PARVA: variants seen among roughly 807,000 people sequenced by gnomAD.
The protein encoded by PARVA is parvin alpha, also known as alpha-parvin.
In PARVA, 25 loss-of-function variants were observed where a neutral mutation model predicts 52.6. The ratio of observed to expected loss-of-function variants is 0.48; its 90% CI spans 0.35 to 0.66. The LOEUF (loss-of-function observed/expected upper bound fraction) is 0.66. Among genes scored for constraint, PARVA ranks in the 30% least tolerant of loss-of-function variants. The probability of loss-of-function intolerance (pLI) is 0.01; values close to 1 mark genes in which losing one functional copy is unlikely to be tolerated. For synonymous variants in PARVA, 185 were observed against 179.1 expected (o/e 1.03, Z -0.26); for missense variants, 373 against 450.9 (o/e 0.83, Z 1.56).
chr11:12,464,233 T>G (rs1446233384), intron 1 of PARVA, among the ~76,000 whole-genome samples: 1 of 152,106 alleles, frequency 6.6e-6, no homozygotes, highest in East Asian at 1.9e-4. Context: ...CTTAGAGAGA[T>G]ATACACATAT....
At position 12,517,679 on chromosome 11, in the gene PARVA, T is replaced by C. The variant is rs774812023; in HGVS notation, c.937T>C (p.Phe313Leu). The change falls in exon 11 of 13, where the codon TTC (phenylalanine) becomes CTC (leucine). Residue 313 changes from phenylalanine (F) to leucine (L), a missense_variant. Phe to Leu is a conservative substitution (Grantham distance 22). Transcript: ENST00000334956. ...GGGCTACTTTGTGCCCCTGCACAGC[T>C]TCTTCCTGACCCCGGACAGCTTTGA... ...LEGYFVPLHS[F>L]FLTPDSFEQK... 2.1e-5 allele frequency: 33 copies of C among 1,604,524 alleles called. No homozygotes were observed. In the Admixed American group the frequency reaches 2.5e-4, roughly 12 times the overall value.
intron 7 of PARVA, 36 bp downstream of exon 7, chr11:12,508,678 T>C: frequency 7.0e-7 from 1 of 1,434,324 alleles, no homozygotes; most frequent in Non-Finnish European, 9.8e-7. Flanking sequence ...GATTCTGTAA[T>C]GGAACACAGA....
At position 12,517,686 on chromosome 11, in the gene PARVA, TGACCCCG is replaced by T; in HGVS notation, c.948_954del (p.Pro317AlafsTer7). ...TTTGTGCCCCTGCACAGCTTCTTCC[TGACCCCG>T]GACAGCTTTGAACAGAAGGTAAGGA... On this transcript the variant is annotated frameshift_variant, in exon 11 of 13. Coordinates refer to ENST00000334956, the MANE Select transcript of PARVA (RefSeq NM_018222.5). LOFTEE classifies it high-confidence loss of function. The T allele has an allele frequency of 6.2e-7, 1 of 1,602,946 alleles. No homozygotes were observed. Among genetic ancestry groups the T allele is most frequent in the Non-Finnish European group, 8.5e-7 (1 of 1,174,474 alleles).
intron 7 of PARVA, among the ~76,000 whole-genome samples, chr11:12,508,873 C>A (rs2288289): frequency 0.41 from 62,391 of 151,854 alleles, 13,647 homozygotes; most frequent in East Asian, 0.56. Context: ...TGATTGAAAA[C>A]TTCTAATTTT....
In PARVA at chr11:12,530,726, T is replaced by C. The variant is rs1233134255; in HGVS notation, c.*2801T>C. ...ATACTGTCATACACTTTGTTTTTTATCACTTAATGTTATATCTTGGATATT... is the reference window on the plus strand; with the variant it reads ...ATACTGTCATACACTTTGTTTTTTACCACTTAATGTTATATCTTGGATATT... On this transcript the variant is annotated 3_prime_UTR_variant, in exon 13 of 13. Coordinates refer to ENST00000334956, the MANE Select transcript of PARVA (RefSeq NM_018222.5). 3 of 93,194 alleles carry C rather than the reference T, an allele frequency of 3.2e-5. No individual in the cohort carries two copies. The highest frequency in any genetic ancestry group is 6.4e-5 in the African/African-American group (2 of 31,324). The allele number at this position is 93,194 out of a possible 1,614,324, so 5.8% of individuals were successfully genotyped here.
chr11:12,507,989 T>TGGATGGACGGAC (rs1554902248), intron 6 of PARVA, among the ~76,000 whole-genome samples: 1,698 of 149,846 alleles, frequency 0.011, 11 homozygotes, highest in Non-Finnish European at 0.019. Context: ...GATGGATGGA[T>TGGATGGACGGAC]GGACGGACGG....
At chr11:12,494,287 A>G (rs1941270409) in intron 4 of PARVA, among the ~76,000 whole-genome samples, 1 of 152,202 alleles carries the variant, frequency 6.6e-6, no homozygotes, top group South Asian at 2.1e-4. Context: ...ATCACTGGCC[A>G]TTGATAGTTG....
intron 1 of PARVA, among the ~76,000 whole-genome samples, chr11:12,383,287 ACTTT>A (rs1362156733): frequency 1.1e-4 from 16 of 152,130 alleles, no homozygotes; most frequent in African/African-American, 3.9e-4. Context: ...CCACTTTTCA[ACTTT>A]CTTTCTCTGA....
intron 12 of PARVA, among the ~76,000 whole-genome samples, chr11:12,521,311 C>T (rs568903654): frequency 1.3e-5 from 2 of 152,320 alleles, no homozygotes; most frequent in East Asian, 1.9e-4. Context: ...CCCCCATTCC[C>T]CTAGGAGATA....
chr11:12,378,565 G>A (rs1453543109), intron 1 of PARVA, among the ~76,000 whole-genome samples: 2 of 133,758 alleles, frequency 1.5e-5, no homozygotes, highest in Non-Finnish European at 3.2e-5. Context: ...GAATTGAGGC[G>A]ACCTTATTCT....
intron 4 of PARVA, chr11:12,479,307 C>CTT (rs201466678): frequency 2.7e-5 from 4 of 147,480 alleles, no homozygotes; most frequent in Admixed American, 6.8e-5. Context: ...AGTACTGTCA[C>CTT]TTTTTTTTTT....
At chr11:12,397,424 C>A (rs1203705824) in intron 1 of PARVA, among the ~76,000 whole-genome samples, 2 of 152,190 alleles carry the variant, frequency 1.3e-5, no homozygotes, top group African/African-American at 4.8e-5. Flanking sequence ...TTGCAAACAA[C>A]ATTCTATGCC....
intron 1 of PARVA, among the ~76,000 whole-genome samples, chr11:12,442,066 C>G (rs1940473882): frequency 6.6e-6 from 1 of 152,216 alleles, no homozygotes; most frequent in African/African-American, 2.4e-5. Flanking sequence ...GCCTACCAAT[C>G]CAAACTTTAC....
At chr11:12,513,879 C>A in intron 9 of PARVA, 118 bp from the exon 10 acceptor site, 1 of 889,888 alleles carries the variant, frequency 1.1e-6, no homozygotes, top group Non-Finnish European at 1.8e-6. Context: ...GGGCTCTTGG[C>A]TGGGCCTGAT....
intron 1 of PARVA, among the ~76,000 whole-genome samples, chr11:12,426,211 G>C (rs1269152854): frequency 6.6e-6 from 1 of 152,212 alleles, no homozygotes; most frequent in Non-Finnish European, 1.5e-5. Flanking sequence ...GGTTGAGCAG[G>C]GCCTCTGTCA....
chr11:12,526,119 G>A (rs1405459584), intron 12 of PARVA, among the ~76,000 whole-genome samples: 2 of 152,214 alleles, frequency 1.3e-5, no homozygotes, highest in African/African-American at 4.8e-5. Context: ...TAGGTACAAT[G>A]TGCAGTACTT....
At chr11:12,377,912 C>T in intron 1 of PARVA, 129 bp downstream of exon 1, 1 of 345,246 alleles carries the variant, frequency 2.9e-6, no homozygotes, top group Non-Finnish European at 4.6e-6. Flanking sequence ...CGCGGCGATG[C>T]GTGCGCGCGC....
chr11:12,465,183 T>G (rs1940837947), intron 1 of PARVA, among the ~76,000 whole-genome samples: 1 of 152,106 alleles, frequency 6.6e-6, no homozygotes, highest in African/African-American at 2.4e-5. Flanking sequence ...ATGCCTGGAT[T>G]AATCCATTAA....
intron 4 of PARVA, among the ~76,000 whole-genome samples, chr11:12,492,399 G>A (rs1207340132): frequency 1.3e-5 from 2 of 152,168 alleles, no homozygotes; most frequent in Admixed American, 6.5e-5. Flanking sequence ...ATGGAAACAT[G>A]AGAGAAACAG....
Sources: allele counts gnomAD v4.1 joint callset (sites outside exome capture counted in the v4.1 genomes callset), GRCh38; gene constraint gnomAD v4.1.1; transcripts MANE v1.5; gene names NCBI Gene and HGNC (gene_info 2026-07-23, HGNC 2026-07-21).